Variants in HSD17B4 observed in about 807,000 individuals in gnomAD.
The protein encoded by HSD17B4 is peroxisomal multifunctional enzyme type 2.
In HSD17B4, 70 loss-of-function variants were observed where a neutral mutation model predicts 101.0. The ratio of observed to expected loss-of-function variants is 0.69; its 90% CI spans 0.57 to 0.85. The LOEUF is 0.85. Ranked by LOEUF, HSD17B4 falls within the 40% of genes least tolerant of loss-of-function variation. HSD17B4 has a pLI of 0.00. For synonymous variants in HSD17B4, 347 were observed against 297.1 expected, an observed-to-expected ratio of 1.17 and a Z score of -1.73; for missense variants, 984 against 892.4, an observed-to-expected ratio of 1.10 and a Z score of -1.31.
chr5:119,514,993 A>G lies in HSD17B4; in HGVS notation c.1450A>G (p.Ile484Val), dbSNP rs775297352. The G allele has an allele frequency of 1.6e-5, 25 of 1,555,238 alleles. No homozygotes were observed. Among genetic ancestry groups the G allele is most frequent in the Non-Finnish European group, 2.1e-5 (24 of 1,126,544 alleles). Residue 484 changes from isoleucine (I) to valine (V), a missense_variant, in exon 17 of 24, where the codon ATA becomes GTA. Physicochemically the swap from Ile to Val is conservative, Grantham distance 29. Transcript: ENST00000510025. Reference protein sequence around the residue: ...TSDKVKVAVAIPNRPPDAVLT... With the variant: ...TSDKVKVAVAVPNRPPDAVLT... ...GTCTTAATTTTAGGTAGCTGTAGCCATACCTAATAGACCTCCTGATGCTGT... is the reference window on the plus strand; with the variant it reads ...GTCTTAATTTTAGGTAGCTGTAGCCGTACCTAATAGACCTCCTGATGCTGT...
At chr5:119,504,212 T>C (rs780534152) in intron 14 of HSD17B4, among the ~76,000 whole-genome samples, 31 of 152,198 alleles carry the variant, frequency 2.0e-4, no homozygotes, top group Non-Finnish European at 3.7e-4. Flanking sequence ...TCCATGTCTT[T>C]GCTATTGTGA....
At chr5:119,456,551 C>T (rs756528264) in intron 2 of HSD17B4, 183 bp downstream of exon 2, 1 of 597,142 alleles carries the variant, frequency 1.7e-6, no homozygotes, top group Non-Finnish European at 3.0e-6. Flanking sequence ...AAAAGGGAAC[C>T]AGTTTCACAG....
intron 17 of HSD17B4, among the ~76,000 whole-genome samples, chr5:119,518,356 A>G (rs1488936597): frequency 6.6e-6 from 1 of 152,160 alleles, no homozygotes; most frequent in African/African-American, 2.4e-5. Context: ...ATCAGAAGGA[A>G]CAAACTCCAG....
chr5:119,461,352 T>C (rs1755215856), intron 2 of HSD17B4, among the ~76,000 whole-genome samples: 1 of 152,154 alleles, frequency 6.6e-6, no homozygotes, highest in African/African-American at 2.4e-5. Flanking sequence ...ATTACTTTAC[T>C]AGTGCTCAAA....
At chr5:119,459,521 C>T (rs1754999221) in intron 2 of HSD17B4, among the ~76,000 whole-genome samples, 1 of 152,188 alleles carries the variant, frequency 6.6e-6, no homozygotes, top group South Asian at 2.1e-4. Flanking sequence ...AGTCTGTTTT[C>T]TGTTGCTTAT....
At chr5:119,510,255 A>T (rs1023096977) in intron 16 of HSD17B4, among the ~76,000 whole-genome samples, 16 of 152,186 alleles carry the variant, frequency 1.1e-4, no homozygotes, top group African/African-American at 3.9e-4. Flanking sequence ...ATCTTTGCAG[A>T]CCCCAAAAGT....
At chr5:119,490,626 G>A (rs551622131) in intron 9 of HSD17B4, among the ~76,000 whole-genome samples, 21 of 151,966 alleles carry the variant, frequency 1.4e-4, no homozygotes, top group African/African-American at 2.2e-4. Flanking sequence ...GTGCAGTGGC[G>A]TGATCTTGGT....
At chr5:119,453,096 T>C (rs1386275231) in intron 1 of HSD17B4, among the ~76,000 whole-genome samples, 1 of 152,248 alleles carries the variant, frequency 6.6e-6, no homozygotes, top group African/African-American at 2.4e-5. Context: ...GTTCAGTGTT[T>C]GTTTCCCTCT....
At chr5:119,526,296 A>T (rs201324696) in intron 19 of HSD17B4, among the ~76,000 whole-genome samples, 1 of 59,780 alleles carries the variant, frequency 1.7e-5, no homozygotes, top group African/African-American at 7.3e-5. Flanking sequence ...ATATATATAT[A>T]TCAGTACGTA....
At chr5:119,514,836 C>T in intron 16 of HSD17B4, 145 bp from the exon 17 acceptor site, 1 of 636,966 alleles carries the variant, frequency 1.6e-6, no homozygotes, top group Non-Finnish European at 2.9e-6. Flanking sequence ...ATCATTATTT[C>T]CTGAGCATGA....
At chr5:119,463,356 C>T (rs1159226040) in intron 2 of HSD17B4, among the ~76,000 whole-genome samples, 2 of 152,112 alleles carry the variant, frequency 1.3e-5, no homozygotes, top group African/African-American at 2.4e-5. Flanking sequence ...ATTTCCTTTC[C>T]TTTGGGTTAT....
intron 2 of HSD17B4, among the ~76,000 whole-genome samples, chr5:119,470,280 C>T (rs1756232928): frequency 6.6e-6 from 1 of 151,940 alleles, no homozygotes; most frequent in Non-Finnish European, 1.5e-5. Flanking sequence ...GGTCATGATC[C>T]TGCAGCCTTC....
At chr5:119,488,129 A>G (rs1029426889) in intron 8 of HSD17B4, among the ~76,000 whole-genome samples, 10 of 152,158 alleles carry the variant, frequency 6.6e-5, no homozygotes, top group African/African-American at 2.4e-4. Context: ...TGTAAGACAC[A>G]AATTGTATCT....
At chr5:119,470,856 C>G (rs1244876691) in intron 2 of HSD17B4, among the ~76,000 whole-genome samples, 2 of 152,162 alleles carry the variant, frequency 1.3e-5, no homozygotes, top group African/African-American at 4.8e-5. Context: ...TCTGTGATTT[C>G]GCTCTGGTGA....
At chr5:119,497,262 A>G (rs1750733002) in intron 12 of HSD17B4, among the ~76,000 whole-genome samples, 1 of 152,116 alleles carries the variant, frequency 6.6e-6, no homozygotes, top group Admixed American at 6.5e-5. Context: ...AGCCAACCTC[A>G]TTTTTACCCC....
At chr5:119,507,230 T>G (rs1433299276) in intron 15 of HSD17B4, among the ~76,000 whole-genome samples, 1 of 152,224 alleles carries the variant, frequency 6.6e-6, no homozygotes, top group Non-Finnish European at 1.5e-5. Context: ...AGTCCTCACT[T>G]GACAATTAGG....
intron 8 of HSD17B4, chr5:119,487,148 C>T (rs529115310): frequency 1.3e-5 from 2 of 152,056 alleles, no homozygotes; most frequent in East Asian, 3.9e-4. Flanking sequence ...GCTGGCCTAT[C>T]TCTGAGTACC....
chr5:119,483,252 T>G (rs1197892938), intron 8 of HSD17B4, among the ~76,000 whole-genome samples: 2 of 152,184 alleles, frequency 1.3e-5, no homozygotes, highest in Non-Finnish European at 1.5e-5. Flanking sequence ...TTAAGTGTTC[T>G]AACTGCTTGG....
chr5:119,542,024 A>C lies in HSD17B4; in HGVS notation c.*30A>C, dbSNP rs1216436798. The stretch of plus-strand genomic sequence containing the variant: ...CACACTACACTATTAATAAAAATGG[A>C]ATCATTAAATACTCTCTTCACCCAA... On this transcript the variant is annotated 3_prime_UTR_variant, in exon 24 of 24. Transcript: ENST00000510025. The C allele has an allele frequency of 7.2e-7, 1 of 1,383,218 alleles. No homozygotes were observed. Among genetic ancestry groups the C allele is most frequent in the East Asian group, 2.3e-5 (1 of 43,714 alleles). 85.7% of individuals were successfully genotyped at this position (1,383,218 alleles called of 1,614,324 possible).
Sources: gnomAD v4.1 joint callset for allele counts (sites outside exome capture counted in the v4.1 genomes callset) on GRCh38, gnomAD v4.1.1 for gene constraint, MANE v1.5 for transcripts, NCBI Gene and HGNC (gene_info 2026-07-23, HGNC 2026-07-21) for gene names.